Variants in CHSY3 observed in about 807,000 individuals in gnomAD.
CHSY3 encodes the protein chondroitin sulfate synthase 3.
CHSY3 carries 35 observed loss-of-function variants against 67.2 expected under a neutral mutation model. That is an observed-to-expected ratio of 0.52 (90% CI 0.40 to 0.69). The LOEUF is 0.69. Ranked by LOEUF, CHSY3 falls within the 30% of genes least tolerant of loss-of-function variation. The probability of loss-of-function intolerance (pLI) is 0.00; values close to 1 mark genes in which losing one functional copy is unlikely to be tolerated. For synonymous variants in CHSY3, 474 were observed against 434.7 expected, an observed-to-expected ratio of 1.09 and a Z score of -1.12; for missense variants, 1,069 against 1,138.5, an observed-to-expected ratio of 0.94 and a Z score of 0.88.
intron 2 of CHSY3, among the ~76,000 whole-genome samples, chr5:129,947,633 A>G (rs1761898425): frequency 6.8e-6 from 1 of 146,800 alleles, no homozygotes; most frequent in Non-Finnish European, 1.5e-5. Context: ...AAAAAAAAAA[A>G]CAAAACGAAA....
chr5:130,043,157 C>G (rs1241349206), intron 2 of CHSY3, among the ~76,000 whole-genome samples: 1 of 151,898 alleles, frequency 6.6e-6, no homozygotes, highest in Non-Finnish European at 1.5e-5. Flanking sequence ...CACAAAAATC[C>G]CCCAAGTTAG....
At chr5:130,182,122 T>C (rs1770267152) in intron 2 of CHSY3, among the ~76,000 whole-genome samples, 1 of 152,102 alleles carries the variant, frequency 6.6e-6, no homozygotes. Context: ...ATATTCTCAC[T>C]AGCAGTGTAT....
Position 130,013,932 on chromosome 5 carries a change from T to C in CHSY3, c.1086+105572T>C, listed in dbSNP as rs181178317. Among the ~76,000 whole-genome samples, 13 of 152,328 alleles carry C rather than the reference T, an allele frequency of 8.5e-5. No homozygotes were observed. The East Asian group carries it at 1.4e-3, about 16-fold the overall frequency. ...TTCCAAACTGCTATGCTCTGCTTCC[T>C]CTTGAATGCTTTGCAGTTAGAAATT... On this transcript the variant is annotated intron_variant, in intron 2 of 2. Transcript: ENST00000305031.
In CHSY3 at chr5:130,166,707, C is replaced by T. The variant is rs62393217; in HGVS notation, c.1087-17522C>T. Reference sequence around the variant, plus strand: ...TTCCTAAGAAAAATATTATAATAGACATCTTGCCATGCTTATGTTATTTTA... The same window carrying T: ...TTCCTAAGAAAAATATTATAATAGATATCTTGCCATGCTTATGTTATTTTA... On this transcript the variant is annotated intron_variant, in intron 2 of 2. Coordinates refer to ENST00000305031, the MANE Select transcript of CHSY3 (RefSeq NM_175856.5). Among the ~76,000 whole-genome samples the T allele has an allele frequency of 4.5e-3, 686 of 152,172 alleles. 5 individuals carry two copies. The highest frequency in any genetic ancestry group is 5.7e-3 in the Non-Finnish European group (388 of 67,972).
At chr5:130,012,288 G>T (rs1378455625) in intron 2 of CHSY3, among the ~76,000 whole-genome samples, 4 of 152,072 alleles carry the variant, frequency 2.6e-5, no homozygotes, top group Non-Finnish European at 4.4e-5. Context: ...CACAAATAAA[G>T]CTGCACACCT....
chr5:130,068,063 T>G (rs1359602353), intron 2 of CHSY3, among the ~76,000 whole-genome samples: 1 of 152,150 alleles, frequency 6.6e-6, no homozygotes, highest in Non-Finnish European at 1.5e-5. Context: ...ATGTTTAAGT[T>G]GCCATCACCT....
chr5:129,932,727 T>G (rs1446874691), intron 2 of CHSY3, among the ~76,000 whole-genome samples: 1 of 152,162 alleles, frequency 6.6e-6, no homozygotes, highest in Non-Finnish European at 1.5e-5. Context: ...GTTAAAATAT[T>G]GACTAATACC....
intron 1 of CHSY3, chr5:129,905,878 T>TAATGATA: frequency 3.4e-5 from 28 of 816,594 alleles, no homozygotes; most frequent in Admixed American, 1.3e-4. Context: ...CTTGCTGTTT[T>TAATGATA]CGGTGCCGCC....
chr5:130,086,196 T>A (rs920292240), intron 2 of CHSY3, among the ~76,000 whole-genome samples: 3 of 152,106 alleles, frequency 2.0e-5, no homozygotes, highest in Non-Finnish European at 4.4e-5. Context: ...ATCTGTCTAA[T>A]GTTGACAGTG....
chr5:130,036,466 C>T (rs891672251), intron 2 of CHSY3, among the ~76,000 whole-genome samples: 1 of 152,098 alleles, frequency 6.6e-6, no homozygotes, highest in Non-Finnish European at 1.5e-5. Context: ...GGCTTGGATG[C>T]TGTAAATGCT....
intron 2 of CHSY3, among the ~76,000 whole-genome samples, chr5:130,010,719 A>G (rs574317657): frequency 6.6e-6 from 1 of 152,280 alleles, no homozygotes; most frequent in South Asian, 2.1e-4. Context: ...AAGAATATAT[A>G]AGATTGATAG....
At chr5:130,179,060 G>T (rs1024675787) in intron 2 of CHSY3, among the ~76,000 whole-genome samples, 12 of 152,132 alleles carry the variant, frequency 7.9e-5, no homozygotes, top group African/African-American at 2.9e-4. Flanking sequence ...TATTCCCTAT[G>T]TTTTTGTGTA....
intron 2 of CHSY3, among the ~76,000 whole-genome samples, chr5:130,065,541 G>T (rs1409654227): frequency 2.0e-5 from 3 of 152,020 alleles, no homozygotes; most frequent in East Asian, 3.9e-4. Context: ...ATTCTCTGGG[G>T]TAGCTTCTTG....
At chr5:130,174,382 T>A (rs1285496851) in intron 2 of CHSY3, among the ~76,000 whole-genome samples, 1 of 151,822 alleles carries the variant, frequency 6.6e-6, no homozygotes, top group Non-Finnish European at 1.5e-5. Flanking sequence ...TTAAGGAGAC[T>A]TTTTTCCTTC....
intron 2 of CHSY3, among the ~76,000 whole-genome samples, chr5:130,172,306 TTTTC>T (rs1440117035): frequency 5.6e-5 from 1 of 17,802 alleles, no homozygotes; most frequent in Non-Finnish European, 9.5e-5. Context: ...TAACTCTTTT[TTTTC>T]TTTTCTTTTC....
chr5:129,982,956 G>T (rs1375775507), intron 2 of CHSY3, among the ~76,000 whole-genome samples: 2 of 151,934 alleles, frequency 1.3e-5, no homozygotes, highest in Admixed American at 6.6e-5. Flanking sequence ...AATACATGGT[G>T]GTGTTTATTT....
intron 2 of CHSY3, among the ~76,000 whole-genome samples, chr5:130,037,689 A>T (rs1209588557): frequency 6.6e-6 from 1 of 152,072 alleles, no homozygotes; most frequent in Non-Finnish European, 1.5e-5. Flanking sequence ...TAAAATTAAC[A>T]ATGTAATTTA....
At chr5:129,978,431 T>G (rs1221573587) in intron 2 of CHSY3, among the ~76,000 whole-genome samples, 1 of 152,194 alleles carries the variant, frequency 6.6e-6, no homozygotes, top group Non-Finnish European at 1.5e-5. Flanking sequence ...ATTTTACATA[T>G]GTACACATGA....
At position 129,908,069 on chromosome 5, in the gene CHSY3, T is replaced by G; in HGVS notation, c.803-8T>G. On this transcript the variant is annotated splice_polypyrimidine_tract_variant and splice_region_variant and intron_variant, in intron 1 of 2. Transcript: ENST00000305031. ...GAGACATAGTAATTGTTGCCTTTCTTTTTGTAGGTGATAAATTAGAAGAGT... is the reference window on the plus strand; with the variant it reads ...GAGACATAGTAATTGTTGCCTTTCTGTTTGTAGGTGATAAATTAGAAGAGT... 1 of 1,607,616 alleles carries G rather than the reference T, an allele frequency of 6.2e-7. No homozygotes were observed. Among genetic ancestry groups the G allele is most frequent in the Non-Finnish European group, 8.5e-7 (1 of 1,176,870 alleles).
Sources: allele counts gnomAD v4.1 joint callset (sites outside exome capture counted in the v4.1 genomes callset), GRCh38; gene constraint gnomAD v4.1.1; transcripts MANE v1.5; gene names NCBI Gene and HGNC (gene_info 2026-07-23, HGNC 2026-07-21).